Variants in GCH1 observed in about 807,000 individuals in gnomAD.
GCH1 encodes GTP cyclohydrolase I.
GCH1 carries 5 observed loss-of-function variants against 25.9 expected under a neutral mutation model. The ratio of observed to expected loss-of-function variants is 0.19; its 90% CI spans 0.10 to 0.41. The LOEUF (loss-of-function observed/expected upper bound fraction) is 0.41. Among genes scored for constraint, GCH1 ranks in the 10% least tolerant of loss-of-function variants. GCH1 has a pLI of 1.00. For synonymous variants in GCH1, 159 were observed against 129.6 expected, an observed-to-expected ratio of 1.23 and a Z score of -1.54; for missense variants, 261 against 336.5, an observed-to-expected ratio of 0.78 and a Z score of 1.75.
At chr14:54,855,308 C>T (rs1209406728) in intron 3 of GCH1, among the ~76,000 whole-genome samples, 2 of 151,912 alleles carry the variant, frequency 1.3e-5, no homozygotes, top group Non-Finnish European at 2.9e-5. Flanking sequence ...GAGTTCAAGA[C>T]CAGTCTTGCC....
chr14:54,845,915 T>TCAGA, intron 4 of GCH1, 63 bp from the exon 5 acceptor site: 1 of 887,834 alleles, frequency 1.1e-6, no homozygotes, highest in Non-Finnish European at 1.9e-6. Context: ...GCTTTTTCTG[T>TCAGA]CTCTAGAACA....
chr14:54,864,314 G>C (rs1339500942), intron 2 of GCH1, among the ~76,000 whole-genome samples: 1 of 151,994 alleles, frequency 6.6e-6, no homozygotes, highest in African/African-American at 2.4e-5. Context: ...TTAGTTGATG[G>C]GTATATAAGT....
chr14:54,900,546 C>A (rs1382357652), intron 1 of GCH1, among the ~76,000 whole-genome samples: 1 of 152,168 alleles, frequency 6.6e-6, no homozygotes, highest in Non-Finnish European at 1.5e-5. Context: ...ATGATGTGTT[C>A]TTTGCAGTTA....
intron 1 of GCH1, among the ~76,000 whole-genome samples, chr14:54,871,070 C>G (rs773883901): frequency 2.6e-5 from 4 of 152,196 alleles, no homozygotes; most frequent in Non-Finnish European, 4.4e-5. Context: ...TCCCTGACCC[C>G]CGAGTAGCCT....
chr14:54,850,787 G>A (rs1453546492), intron 3 of GCH1, among the ~76,000 whole-genome samples: 2 of 152,094 alleles, frequency 1.3e-5, no homozygotes, highest in Non-Finnish European at 2.9e-5. Context: ...CTTCATCCAT[G>A]TCCCTACAAA....
chr14:54,880,860 C>T (rs1227494405), intron 1 of GCH1, among the ~76,000 whole-genome samples: 1 of 86,020 alleles, frequency 1.2e-5, no homozygotes, highest in Non-Finnish European at 2.0e-5. Flanking sequence ...TATATATATA[C>T]TCCATAATAT....
At chr14:54,857,607 C>T (rs1225057502) in intron 3 of GCH1, among the ~76,000 whole-genome samples, 2 of 152,164 alleles carry the variant, frequency 1.3e-5, no homozygotes, top group Non-Finnish European at 2.9e-5. Context: ...GGGGACTGGG[C>T]CTACAGCTAT....
chr14:54,880,099 C>A (rs2040224195), intron 1 of GCH1, among the ~76,000 whole-genome samples: 1 of 150,266 alleles, frequency 6.7e-6, no homozygotes, highest in Non-Finnish European at 1.5e-5. Context: ...CAAGATCATG[C>A]CACTGCACTC....
At chr14:54,873,390 C>G (rs1433073190) in intron 1 of GCH1, among the ~76,000 whole-genome samples, 12 of 152,102 alleles carry the variant, frequency 7.9e-5, no homozygotes, top group Non-Finnish European at 1.3e-4. Flanking sequence ...CAAGAGAAAG[C>G]AGGAAAGATC....
At chr14:54,869,167 T>G (rs1004870377) in intron 1 of GCH1, among the ~76,000 whole-genome samples, 1 of 151,662 alleles carries the variant, frequency 6.6e-6, no homozygotes, top group Non-Finnish European at 1.5e-5. Context: ...GCCTCCCGAG[T>G]AGCTGGGACT....
At chr14:54,885,580 A>G in intron 1 of GCH1, 2 of 393,094 alleles carry the variant, frequency 5.1e-6, no homozygotes, top group Non-Finnish European at 9.8e-6. Flanking sequence ...CCCTGATGTC[A>G]TCTGCCACCA....
chr14:54,885,355 G>T, intron 1 of GCH1: 1 of 262,380 alleles, frequency 3.8e-6, no homozygotes, highest in South Asian at 5.1e-5. Flanking sequence ...GCTCTGGGGG[G>T]CTGTGATGGG....
At chr14:54,895,760 G>C (rs763357009) in intron 1 of GCH1, among the ~76,000 whole-genome samples, 2 of 152,222 alleles carry the variant, frequency 1.3e-5, no homozygotes, top group Non-Finnish European at 2.9e-5. Flanking sequence ...CCAAGGATCA[G>C]CTTGTGATGT....
chr14:54,902,408 G>T lies in GCH1; in HGVS notation c.256C>A (p.Pro86Thr), dbSNP rs781177989. The T allele has an allele frequency of 1.2e-6, 2 of 1,613,120 alleles. No individual in the cohort carries two copies. Among genetic ancestry groups the T allele is most frequent in the Non-Finnish European group, 1.7e-6 (2 of 1,179,796 alleles). The change falls in exon 1 of 6, where the codon CCC becomes ACC. Residue 86 changes from proline to threonine, a missense_variant. By Grantham distance (38) the Pro-to-Thr change is conservative (BLOSUM62 -1). Transcript: ENST00000491895. ...SSILSSLGENPQRQGLLKTPW... is the reference protein window; with the variant it reads ...SSILSSLGENTQRQGLLKTPW... Reference sequence around the variant, plus strand: ...GTCTTGAGCAGCCCTTGCCGCTGGGGGTTCTCGCCCAGCGAGCTCAGGATG... The same window carrying T: ...GTCTTGAGCAGCCCTTGCCGCTGGGTGTTCTCGCCCAGCGAGCTCAGGATG...
At chr14:54,888,679 AT>A (rs58982226) in intron 1 of GCH1, among the ~76,000 whole-genome samples, 30,359 of 138,222 alleles carry the variant, frequency 0.22, 3,076 homozygotes, top group African/African-American at 0.25. Flanking sequence ...CGCCCGGCTA[AT>A]TTTTTTTTTT....
intron 1 of GCH1, among the ~76,000 whole-genome samples, chr14:54,901,996 G>A (rs898563998): frequency 7.9e-5 from 12 of 152,220 alleles, no homozygotes; most frequent in African/African-American, 2.9e-4. Context: ...CCCGCGCTGG[G>A]CGCTCAGGCG....
Position 54,871,722 on chromosome 14 carries a change from C to T in GCH1, c.344-6286G>A, listed in dbSNP as rs891329825. ...AATGCACAAGCCTCAGTAGCTGATT[C>T]GATCAACTGGAAGAAAGGGTATCAG... On this transcript the variant is annotated intron_variant, in intron 1 of 5. Coordinates refer to ENST00000491895, the MANE Select transcript of GCH1 (RefSeq NM_000161.3). Among the ~76,000 whole-genome samples the T allele has an allele frequency of 2.6e-5, 4 of 152,028 alleles. No individual in the cohort carries two copies. In the South Asian group the frequency reaches 6.2e-4, roughly 24 times the overall value.
At position 54,842,185 on chromosome 14, in the gene GCH1, C is replaced by G. The variant is rs1422215227; in HGVS notation, c.*1832G>C. On this transcript the variant is annotated 3_prime_UTR_variant, in exon 6 of 6. Coordinates refer to ENST00000491895, the MANE Select transcript of GCH1 (RefSeq NM_000161.3). ...GATATGAAAAGGTAATTTTGAAGTA[C>G]TAAAGACTAGAGTAAAACAGACAAA... is the stretch of plus-strand genomic sequence containing the variant. 1 of 152,360 alleles carries G rather than the reference C, an allele frequency of 6.6e-6. No homozygotes were observed. The highest frequency in any genetic ancestry group is 1.5e-5 in the Non-Finnish European group (1 of 68,010). 9.4% of individuals were successfully genotyped at this position (152,360 alleles called of 1,614,324 possible). A position where few individuals can be genotyped will look rare whatever the true frequency, so the allele number is the denominator to read the frequency against.
Position 54,865,237 on chromosome 14 carries a change from T to C in GCH1, c.453+90A>G, listed in dbSNP as rs141101375. ...TTGTAAATACCTGAGATATCAGCAA[T>C]TGGCAGCTAAAAATTTTAAATATAA... is the stretch of plus-strand genomic sequence containing the variant. On this transcript the variant is annotated intron_variant, in intron 2 of 5. Coordinates refer to ENST00000491895, the MANE Select transcript of GCH1 (RefSeq NM_000161.3). 1.2e-3 allele frequency: 849 copies of C among 681,614 alleles called. 4 individuals carry two copies. The highest frequency in any genetic ancestry group is 0.012 in the African/African-American group (664 of 55,686). The allele number at this position is 681,614 out of a possible 1,614,324, so 42.2% of individuals were successfully genotyped here.
Sources: allele counts gnomAD v4.1 joint callset (sites outside exome capture counted in the v4.1 genomes callset), GRCh38; gene constraint gnomAD v4.1.1; transcripts MANE v1.5; gene names NCBI Gene and HGNC (gene_info 2026-07-23, HGNC 2026-07-21).